Variants in SLC8A1 observed in about 807,000 individuals in gnomAD.
SLC8A1 encodes the protein solute carrier family 8 member A1.
SLC8A1 carries 18 observed loss-of-function variants against 68.3 expected under a neutral mutation model. The observed-to-expected ratio is 0.26, with a 90% CI of 0.18 to 0.39. The LOEUF (loss-of-function observed/expected upper bound fraction) is 0.39. Among genes scored for constraint, SLC8A1 ranks in the 10% least tolerant of loss-of-function variants. The probability of loss-of-function intolerance (pLI) is 1.00; values close to 1 mark genes in which losing one functional copy is unlikely to be tolerated. For missense variants in SLC8A1, 985 were observed against 1,156.7 expected (o/e 0.85, Z 2.15); for synonymous variants, 475 against 415.5 (o/e 1.14, Z -1.74).
At chr2:40,253,261 ATATACATG>A (rs1558970176) in intron 2 of SLC8A1, among the ~76,000 whole-genome samples, 1 of 150,632 alleles carries the variant, frequency 6.6e-6, no homozygotes, top group East Asian at 2.0e-4. Context: ...ATGTATACAT[ATATACATG>A]TACATATGAC....
At chr2:40,119,762 G>C (rs1055713230) in intron 7 of SLC8A1, among the ~76,000 whole-genome samples, 1 of 152,122 alleles carries the variant, frequency 6.6e-6, no homozygotes, top group African/African-American at 2.4e-5. Flanking sequence ...GTTTTTAATA[G>C]TTTTTGCTAT....
At chr2:40,352,981 G>A (rs1428973704) in intron 2 of SLC8A1, among the ~76,000 whole-genome samples, 1 of 152,014 alleles carries the variant, frequency 6.6e-6, no homozygotes, top group Non-Finnish European at 1.5e-5. Flanking sequence ...TCTCACTTAC[G>A]GAAGGTCCAC....
intron 1 of SLC8A1, among the ~76,000 whole-genome samples, chr2:40,505,225 G>A (rs1470808528): frequency 6.6e-6 from 1 of 151,814 alleles, no homozygotes; most frequent in Admixed American, 6.6e-5. Flanking sequence ...TGTGGGGAAG[G>A]CTAATGGGTA....
intron 1 of SLC8A1, among the ~76,000 whole-genome samples, chr2:40,465,111 C>T (rs372432724): frequency 2.6e-5 from 4 of 152,234 alleles, no homozygotes; most frequent in Admixed American, 6.5e-5. Flanking sequence ...ACCACTCCCT[C>T]GGGGGCAATT....
At chr2:40,205,097 T>C (rs1394788062) in intron 2 of SLC8A1, among the ~76,000 whole-genome samples, 1 of 152,006 alleles carries the variant, frequency 6.6e-6, no homozygotes, top group Non-Finnish European at 1.5e-5. Context: ...GTGGCCAACT[T>C]ATTTCCTTTT....
At chr2:40,350,847 C>T (rs971513300) in intron 2 of SLC8A1, among the ~76,000 whole-genome samples, 1 of 151,908 alleles carries the variant, frequency 6.6e-6, no homozygotes, top group Non-Finnish European at 1.5e-5. Flanking sequence ...ATCTATAATT[C>T]TCAAAATAAT....
intron 7 of SLC8A1, chr2:40,117,140 C>G (rs561000904): frequency 6.6e-6 from 1 of 152,152 alleles, no homozygotes; most frequent in South Asian, 2.1e-4. Flanking sequence ...ATAAACCGAG[C>G]AGGCTAGATC....
chr2:40,425,875 G>A (rs1696719468), intron 2 of SLC8A1, among the ~76,000 whole-genome samples: 1 of 151,782 alleles, frequency 6.6e-6, no homozygotes. Context: ...CCCATTACTG[G>A]GTATATACCC....
chr2:40,327,200 G>T, intron 2 of SLC8A1, among the ~76,000 whole-genome samples: 1 of 152,096 alleles, frequency 6.6e-6, no homozygotes, highest in East Asian at 1.9e-4. Context: ...CTTCTTAAAT[G>T]ATAATTACAT....
intron 2 of SLC8A1, among the ~76,000 whole-genome samples, chr2:40,360,514 G>A (rs1284358656): frequency 1.3e-5 from 2 of 152,108 alleles, no homozygotes; most frequent in African/African-American, 4.8e-5. Flanking sequence ...TCCTGAGAAT[G>A]TACTGTGTGC....
At chr2:40,362,576 TG>T (rs1674930707) in intron 2 of SLC8A1, among the ~76,000 whole-genome samples, 1 of 152,130 alleles carries the variant, frequency 6.6e-6, no homozygotes, top group South Asian at 2.1e-4. Context: ...TTAATAAAAA[TG>T]ATATATCTTC....
At chr2:40,332,399 TC>T (rs1221423980) in intron 2 of SLC8A1, among the ~76,000 whole-genome samples, 1 of 133,080 alleles carries the variant, frequency 7.5e-6, no homozygotes, top group East Asian at 2.7e-4. Context: ...TCAAATGATA[TC>T]CTCTTTCTGC....
chr2:40,499,378 A>G (rs1026515091), intron 1 of SLC8A1, among the ~76,000 whole-genome samples: 1 of 152,064 alleles, frequency 6.6e-6, no homozygotes, highest in Non-Finnish European at 1.5e-5. Flanking sequence ...TCATAAGGTT[A>G]TTGTTAGGAT....
In SLC8A1 at chr2:40,428,741, G is replaced by T. The variant is rs139267501; in HGVS notation, c.1540C>A (p.His514Asn). The change falls in exon 2 of 8, where the codon CAT becomes AAT. Residue 514 changes from histidine (H) to asparagine (N), a missense_variant. Transcript: ENST00000406785. ...CCGAGGCAAGCAAGTGTAGAAACAT[G>T]ATTGGCTTCCAGTATGCCATCTTCT... 1.4e-5 allele frequency: 23 copies of T among 1,613,690 alleles called. No homozygotes were observed. In the African/African-American group the frequency reaches 2.7e-4, roughly 19 times the overall value.
chr2:40,161,227 A>G (rs1213882909), intron 5 of SLC8A1, among the ~76,000 whole-genome samples: 1 of 151,970 alleles, frequency 6.6e-6, no homozygotes, highest in East Asian at 1.9e-4. Context: ...GAATTAACAT[A>G]TGCCCTATTC....
rs765016933 is a variant in SLC8A1 at position 40,483,625 on chromosome 2, C to T, written c.-25+28724G>A. 4.9e-4 allele frequency among the ~76,000 whole-genome samples: 75 copies of T among 152,300 alleles called. No individual in the cohort carries two copies. In the Middle Eastern group the frequency reaches 0.01, roughly 21 times the overall value. ...TCTGCTCAGAATAAGGATTATATTA[C>T]GGTAAAGTGAGGCCACATGACTAGG... On this transcript the variant is annotated intron_variant, in intron 1 of 7. Coordinates refer to the SLC8A1 transcript ENST00000402441.
At chr2:40,139,659 C>T (rs760569632) in exon 7 of SLC8A1, 14 of 1,613,736 alleles carry the variant, frequency 8.7e-6, no homozygotes, top group South Asian at 3.3e-5. Context: ...CCACATTCAT[C>T]GTCGTCATCA....
chr2:40,491,321 T>G (rs1356729058), intron 1 of SLC8A1, among the ~76,000 whole-genome samples: 2 of 152,168 alleles, frequency 1.3e-5, no homozygotes, highest in Non-Finnish European at 2.9e-5. Context: ...TTGTGATTTT[T>G]GTACATTGAT....
chr2:40,244,659 CCT>C (rs144788224), intron 2 of SLC8A1, among the ~76,000 whole-genome samples: 75,200 of 146,974 alleles, frequency 0.51, 20,151 homozygotes, highest in Non-Finnish European at 0.62. Flanking sequence ...ATGATCGAGG[CCT>C]TTTCCTACTG....
Sources: gnomAD v4.1 joint callset for allele counts (sites outside exome capture counted in the v4.1 genomes callset) on GRCh38, gnomAD v4.1.1 for gene constraint, MANE v1.5 for transcripts, NCBI Gene and HGNC (gene_info 2026-07-23, HGNC 2026-07-21) for gene names.